Variants in FGF10 observed in about 807,000 individuals in gnomAD.
FGF10 encodes the protein fibroblast growth factor 10, also known as FGF-10.
In FGF10, 2 loss-of-function variants were observed where a neutral mutation model predicts 19.8. That is an observed-to-expected ratio of 0.10 (90% CI 0.04 to 0.32). The LOEUF (loss-of-function observed/expected upper bound fraction) is 0.32, where lower values mean the gene tolerates loss of function less well. Among genes scored for constraint, FGF10 ranks in the 10% least tolerant of loss-of-function variants. FGF10 has a pLI of 1.00. For synonymous variants in FGF10, 112 were observed against 94.0 expected (o/e 1.19, Z -1.10); for missense variants, 191 against 246.3 (o/e 0.78, Z 1.50).
At chr5:44,354,990 G>T (rs1038873618) in intron 1 of FGF10, among the ~76,000 whole-genome samples, 1 of 151,506 alleles carries the variant, frequency 6.6e-6, no homozygotes, top group African/African-American at 2.4e-5. Flanking sequence ...TAGCTAGACA[G>T]TGTTGATGTA....
Position 44,310,368 on chromosome 5 carries a change from T to A in FGF10, c.429+59A>T, listed in dbSNP as rs1579893973. ...GCTATTCGGTGTCTGGAGGAAACTTTCCAAAACTATGGTAATGGTTTACTG... is the reference window on the plus strand; with the variant it reads ...GCTATTCGGTGTCTGGAGGAAACTTACCAAAACTATGGTAATGGTTTACTG... On this transcript the variant is annotated intron_variant, in intron 2 of 2. Transcript: ENST00000264664. The A allele has an allele frequency of 2.4e-6, 3 of 1,237,798 alleles. No individual in the cohort carries two copies. In the East Asian group the frequency reaches 7.2e-5, roughly 30 times the overall value. 76.7% of individuals were successfully genotyped at this position (1,237,798 alleles called of 1,614,324 possible).
chr5:44,368,840 T>A (rs2111878428), intron 1 of FGF10, among the ~76,000 whole-genome samples: 1 of 152,106 alleles, frequency 6.6e-6, no homozygotes, highest in Non-Finnish European at 1.5e-5. Flanking sequence ...TAATTTTTTT[T>A]TATTTTTTGT....
chr5:44,387,831 GGA>G (rs1742137836), intron 1 of FGF10, among the ~76,000 whole-genome samples: 1 of 151,962 alleles, frequency 6.6e-6, no homozygotes, highest in South Asian at 2.1e-4. Context: ...ATGGGGGTGG[GGA>G]GAGAGTGGAA....
intron 1 of FGF10, among the ~76,000 whole-genome samples, chr5:44,338,334 A>G (rs1351427375): frequency 2.6e-5 from 4 of 152,144 alleles, no homozygotes; most frequent in Non-Finnish European, 4.4e-5. Context: ...AATATTTAGT[A>G]CTTGTTTTTC....
At chr5:44,384,878 T>A (rs1347835206) in intron 1 of FGF10, among the ~76,000 whole-genome samples, 1 of 152,094 alleles carries the variant, frequency 6.6e-6, no homozygotes, top group Non-Finnish European at 1.5e-5. Context: ...TTCTTAATTG[T>A]CTCAAGTTTA....
chr5:44,329,707 A>C (rs1005628496), intron 1 of FGF10, among the ~76,000 whole-genome samples: 1 of 152,198 alleles, frequency 6.6e-6, no homozygotes, highest in Non-Finnish European at 1.5e-5. Flanking sequence ...TGGTTTTGGC[A>C]AAATTACCAT....
At chr5:44,311,208 G>A (rs953679877) in intron 1 of FGF10, among the ~76,000 whole-genome samples, 2 of 151,574 alleles carry the variant, frequency 1.3e-5, no homozygotes, top group African/African-American at 4.9e-5. Context: ...ATGGAAAATC[G>A]AGGGAAGTAG....
intron 1 of FGF10, among the ~76,000 whole-genome samples, chr5:44,321,676 A>G (rs1428791553): frequency 6.6e-6 from 1 of 152,202 alleles, no homozygotes. Flanking sequence ...GCAGGATGTG[A>G]TTAAAATTAT....
chr5:44,353,456 T>C (rs1741279682), intron 1 of FGF10, among the ~76,000 whole-genome samples: 1 of 151,648 alleles, frequency 6.6e-6, no homozygotes, highest in Admixed American at 6.6e-5. Flanking sequence ...ACCCTCATTA[T>C]TTAGCTTTTA....
At chr5:44,322,329 T>C (rs1740513047) in intron 1 of FGF10, among the ~76,000 whole-genome samples, 1 of 152,164 alleles carries the variant, frequency 6.6e-6, no homozygotes, top group Non-Finnish European at 1.5e-5. Context: ...AAAGTAGAAT[T>C]ATGGGGGTGA....
In FGF10 at chr5:44,338,456, G is replaced by C. The variant is rs1044739521; in HGVS notation, c.326-27926C>G. 2.0e-5 allele frequency among the ~76,000 whole-genome samples: 3 copies of C among 152,108 alleles called. No individual in the cohort carries two copies. In the East Asian group the frequency reaches 5.8e-4, roughly 29 times the overall value. ...CTGGTTTAGAGTCCCTGCAGTGACC[G>C]GAGGTCTTCTGCCATTTAGAGGAGA... On this transcript the variant is annotated intron_variant, in intron 1 of 2. Coordinates refer to ENST00000264664, the MANE Select transcript of FGF10 (RefSeq NM_004465.2).
At chr5:44,383,539 C>T (rs543251304) in intron 1 of FGF10, among the ~76,000 whole-genome samples, 1 of 152,176 alleles carries the variant, frequency 6.6e-6, no homozygotes, top group East Asian at 1.9e-4. Flanking sequence ...CCAATACGGG[C>T]ATCTGATTCC....
intron 1 of FGF10, among the ~76,000 whole-genome samples, chr5:44,327,349 C>G (rs1740638450): frequency 6.6e-6 from 1 of 152,164 alleles, no homozygotes; most frequent in African/African-American, 2.4e-5. Flanking sequence ...AATTATTCTG[C>G]TCAGTCTTTT....
intron 1 of FGF10, among the ~76,000 whole-genome samples, chr5:44,324,942 CTGTG>C (rs1228503759): frequency 2.6e-5 from 4 of 152,110 alleles, no homozygotes; most frequent in Admixed American, 2.6e-4. Flanking sequence ...AGGAAAAAAA[CTGTG>C]TGTAACATAA....
intron 1 of FGF10, among the ~76,000 whole-genome samples, chr5:44,376,046 T>C (rs1741848937): frequency 6.6e-6 from 1 of 152,090 alleles, no homozygotes; most frequent in Non-Finnish European, 1.5e-5. Flanking sequence ...GAATAATTAG[T>C]AACAACACAA....
At chr5:44,325,468 A>G (rs1740592260) in intron 1 of FGF10, among the ~76,000 whole-genome samples, 1 of 152,138 alleles carries the variant, frequency 6.6e-6, no homozygotes, top group Non-Finnish European at 1.5e-5. Context: ...CACAATAGCA[A>G]AGACTTGGAA....
Position 44,301,995 on chromosome 5 carries a change from C to T in FGF10, c.*3000G>A, listed in dbSNP as rs189458503. Among the ~76,000 whole-genome samples, 23 of 151,954 alleles carry T rather than the reference C, an allele frequency of 1.5e-4. No individual in the cohort carries two copies. The East Asian group carries it at 3.9e-3, about 26-fold the overall frequency. On this transcript the variant is annotated 3_prime_UTR_variant, in exon 3 of 3. Transcript: ENST00000264664. Reference sequence around the variant, plus strand: ...TTCTCAGAACCAAAACTCAAATGGACACATATTTGTGGCTGATGCACTTTA... The same window carrying T: ...TTCTCAGAACCAAAACTCAAATGGATACATATTTGTGGCTGATGCACTTTA...
rs530876191 is a variant in FGF10 at position 44,328,285 on chromosome 5, CT to C, written c.326-17756del. On this transcript the variant is annotated intron_variant, in intron 1 of 2. Transcript: ENST00000264664. ...CTGAAGCAAAATGGTGACACAAATT[CT>C]TTAGGTAGCAAATTTGCTGGCAAAT... Among the ~76,000 whole-genome samples, 99 of 152,242 alleles carry C rather than the reference CT, an allele frequency of 6.5e-4. 1 individual carries two copies. In the South Asian group the frequency reaches 0.02, roughly 31 times the overall value.
At chr5:44,320,123 A>T (rs954680377) in intron 1 of FGF10, among the ~76,000 whole-genome samples, 5 of 152,190 alleles carry the variant, frequency 3.3e-5, no homozygotes, top group African/African-American at 1.2e-4. Flanking sequence ...TCTGAGGTGA[A>T]GCTGAGGTGG....
Sources: gnomAD v4.1 joint callset for allele counts (sites outside exome capture counted in the v4.1 genomes callset) on GRCh38, gnomAD v4.1.1 for gene constraint, MANE v1.5 for transcripts, NCBI Gene and HGNC (gene_info 2026-07-23, HGNC 2026-07-21) for gene names.